Variants in GRID2 observed in about 807,000 individuals in gnomAD.
The protein encoded by GRID2 is glutamate ionotropic receptor delta type subunit 2, also known as glutamate receptor ionotropic, delta-2.
A neutral mutation model predicts 114.8 loss-of-function variants in GRID2; 33 were observed. The ratio of observed to expected loss-of-function variants is 0.29; its 90% confidence interval spans 0.22 to 0.38. The LOEUF (loss-of-function observed/expected upper bound fraction) is 0.38, where lower values mean the gene tolerates loss of function less well. Among genes scored for constraint, GRID2 ranks in the 10% least tolerant of loss-of-function variants. The pLI, the probability that GRID2 is intolerant of heterozygous loss-of-function variation, is 1.00. For synonymous variants in GRID2, 505 were observed against 449.9 expected (o/e 1.12, Z -1.55); for missense variants, 1,184 against 1,257.7 (o/e 0.94, Z 0.89).
Position 93,607,933 on chromosome 4 carries a change from T to C in GRID2, c.2194-18336T>C, listed in dbSNP as rs568772631. ...TTAAACATTAACTGTTTGTCCCCCA[T>C]GTTCCAATTTTTTCCAAATTTGTCA... On this transcript the variant is annotated intron_variant, in intron 13 of 15. Transcript: ENST00000282020. Among the ~76,000 whole-genome samples, 29 of 152,104 alleles carry C rather than the reference T, an allele frequency of 1.9e-4. No individual in the cohort carries two copies. In the East Asian group the frequency reaches 5.4e-3, roughly 28 times the overall value.
chr4:93,201,585 G>A (rs181500722), intron 4 of GRID2, among the ~76,000 whole-genome samples: 1 of 152,308 alleles, frequency 6.6e-6, no homozygotes, highest in East Asian at 1.9e-4. Flanking sequence ...GTAATATTTA[G>A]TACATCCTGC....
chr4:93,126,781 T>G (rs1245785456), intron 4 of GRID2, among the ~76,000 whole-genome samples: 1 of 151,236 alleles, frequency 6.6e-6, no homozygotes, highest in Admixed American at 6.6e-5. Context: ...GTATTTTTAG[T>G]AGAGACGGGG....
chr4:92,730,721 TTATTGATGTTTGTATAATAC>T (rs1736290997), intron 2 of GRID2, among the ~76,000 whole-genome samples: 1 of 151,918 alleles, frequency 6.6e-6, no homozygotes, highest in African/African-American at 2.4e-5. Context: ...CCCCGATTCT[TTATTGATGTTTGTATAATAC>T]TGAGGTGCCA....
chr4:92,460,011 C>T (rs977948334), intron 1 of GRID2, among the ~76,000 whole-genome samples: 2 of 57,800 alleles, frequency 3.5e-5, no homozygotes, highest in African/African-American at 7.3e-5. Flanking sequence ...TGCATGAGCC[C>T]ATTCCTTAAA....
At chr4:93,774,992 G>A (rs142655012), downstream of GRID2, among the ~76,000 whole-genome samples, 412 of 152,034 alleles carry the variant, frequency 2.7e-3, 4 homozygotes, top group Admixed American at 0.02. Flanking sequence ...AGAATTATTC[G>A]TCATGCTGAA....
At chr4:93,551,675 C>T (rs1304887158) in intron 13 of GRID2, among the ~76,000 whole-genome samples, 1 of 152,184 alleles carries the variant, frequency 6.6e-6, no homozygotes, top group East Asian at 1.9e-4. Context: ...CTCTTAATCA[C>T]ATTGCTGCCC....
intron 1 of GRID2, among the ~76,000 whole-genome samples, chr4:92,467,684 T>C (rs1220355207): frequency 2.6e-5 from 4 of 152,016 alleles, no homozygotes; most frequent in Non-Finnish European, 5.9e-5. Context: ...CTCTTAATTT[T>C]CTTCCTCCAA....
chr4:92,663,252 A>C (rs1292549528), intron 2 of GRID2, among the ~76,000 whole-genome samples: 1 of 151,242 alleles, frequency 6.6e-6, no homozygotes, highest in Non-Finnish European at 1.5e-5. Context: ...ATATTTACTA[A>C]TAGTATCATC....
intron 2 of GRID2, among the ~76,000 whole-genome samples, chr4:93,020,092 T>G (rs999846724): frequency 6.6e-6 from 1 of 152,194 alleles, no homozygotes; most frequent in Non-Finnish European, 1.5e-5. Context: ...GCACTTACTT[T>G]GTGTGTATTG....
intron 1 of GRID2, among the ~76,000 whole-genome samples, chr4:92,575,365 G>A (rs571846075): frequency 5.3e-4 from 80 of 152,266 alleles, no homozygotes; most frequent in African/African-American, 1.8e-3. Flanking sequence ...CTGGTGAGAT[G>A]GTTCAGTCAT....
At chr4:93,624,916 TG>T (rs57153460) in intron 13 of GRID2, among the ~76,000 whole-genome samples, 18,020 of 152,164 alleles carry the variant, frequency 0.12, 1,105 homozygotes, top group Middle Eastern at 0.14. Flanking sequence ...AGAGTAAAGT[TG>T]TGTTCCTTAA....
intron 10 of GRID2, among the ~76,000 whole-genome samples, chr4:93,445,266 T>C (rs545858919): frequency 4.5e-4 from 68 of 152,124 alleles, no homozygotes; most frequent in Non-Finnish European, 9.6e-4. Flanking sequence ...AAAATAAGTT[T>C]GGTTCTTAGC....
chr4:93,281,524 G>A (rs1752650951), intron 8 of GRID2, among the ~76,000 whole-genome samples: 2 of 151,928 alleles, frequency 1.3e-5, no homozygotes, highest in African/African-American at 4.8e-5. Flanking sequence ...CAAAATGAAT[G>A]GAAAAACTAG....
At chr4:92,694,125 C>A (rs2149295525) in intron 2 of GRID2, among the ~76,000 whole-genome samples, 1 of 152,252 alleles carries the variant, frequency 6.6e-6, no homozygotes, top group South Asian at 2.1e-4. Flanking sequence ...GTGTAAAATG[C>A]TAAGCTGGAC....
chr4:93,251,616 G>A (rs1207121205), intron 8 of GRID2, among the ~76,000 whole-genome samples: 1 of 151,968 alleles, frequency 6.6e-6, no homozygotes, highest in Non-Finnish European at 1.5e-5. Flanking sequence ...CAGGTATTGA[G>A]ACTAGTATCC....
At chr4:92,559,776 G>GT (rs1393210944) in intron 1 of GRID2, among the ~76,000 whole-genome samples, 1 of 152,106 alleles carries the variant, frequency 6.6e-6, no homozygotes, top group Non-Finnish European at 1.5e-5. Context: ...CAAGTGACAG[G>GT]TTTGTATACA....
chr4:93,315,432 C>A (rs1319762644), intron 8 of GRID2, among the ~76,000 whole-genome samples: 1 of 152,162 alleles, frequency 6.6e-6, no homozygotes, highest in African/African-American at 2.4e-5. Context: ...AACCACCATT[C>A]TATTCTGTTT....
intron 9 of GRID2, among the ~76,000 whole-genome samples, chr4:93,400,321 A>G (rs1765752275): frequency 6.6e-6 from 1 of 152,128 alleles, no homozygotes; most frequent in African/African-American, 2.4e-5. Flanking sequence ...TTAGAAATGG[A>G]GGAAAAGAAA....
intron 2 of GRID2, among the ~76,000 whole-genome samples, chr4:93,071,386 A>G (rs535464898): frequency 1.3e-5 from 2 of 152,250 alleles, no homozygotes; most frequent in East Asian, 3.9e-4. Flanking sequence ...TTTAGGGCAT[A>G]AGGCATTGAG....
Sources: allele counts gnomAD v4.1 joint callset (sites outside exome capture counted in the v4.1 genomes callset), GRCh38; gene constraint gnomAD v4.1.1; transcripts MANE v1.5; gene names NCBI Gene and HGNC (gene_info 2026-07-23, HGNC 2026-07-21).